Variants in ARHGEF4 observed in about 807,000 individuals in gnomAD.
ARHGEF4 encodes the protein Rho guanine nucleotide exchange factor 4.
Under a neutral mutation model 162.0 loss-of-function variants are expected in ARHGEF4, and 119 were observed. That is an observed-to-expected ratio of 0.73 (90% CI 0.63 to 0.86). The LOEUF is 0.86. ARHGEF4 is among the 40% of genes least tolerant of loss of function. The pLI is 0.00. For missense variants in ARHGEF4, 2,488 were observed against 2,456.0 expected, an observed-to-expected ratio of 1.01 and a Z score of -0.28; for synonymous variants, 1,014 against 979.9, an observed-to-expected ratio of 1.03 and a Z score of -0.65.
chr2:131,039,981 A>G (rs1690645527), intron 6 of ARHGEF4, 35 bp from the exon 7 acceptor site: 1 of 1,545,548 alleles, frequency 6.5e-7, no homozygotes, highest in African/African-American at 1.4e-5. Context: ...GCTCCGAGGG[A>G]TGCGGGGCAC....
Position 130,916,478 on chromosome 2 carries a change from C to T in ARHGEF4, c.2532C>T (p.Asp844=), listed in dbSNP as rs1052050221. The change falls in exon 2 of 14, where the codon GAC becomes GAT. Residue 844 remains aspartate (D), a synonymous_variant. Coordinates refer to ENST00000409359, the MANE Select transcript of ARHGEF4 (RefSeq NM_001367493.1). ...ATCCGCCCGCTGCGGCCGGTCGGGACGCACCGCCTCTGCACCACGGGGACG... is the reference window on the plus strand; with the variant it reads ...ATCCGCCCGCTGCGGCCGGTCGGGATGCACCGCCTCTGCACCACGGGGACG... The part of the protein sequence containing the change: ...RENPPAAAGR[D]APPLHHGDAS... 3 of 1,545,506 alleles carry T rather than the reference C, an allele frequency of 1.9e-6. No homozygotes were observed. The African/African-American group carries it at 4.1e-5, about 21-fold the overall frequency.
rs765560805 is a variant in ARHGEF4, at chr2:131,046,022, GTC to G, written c.5480-11_5480-10del. 22 of 1,605,396 alleles carry G rather than the reference GTC, an allele frequency of 1.4e-5. No homozygotes were observed. The highest frequency in any genetic ancestry group is 1.7e-4 in the Middle Eastern group (1 of 5,844). The stretch of plus-strand genomic sequence containing the variant: ...CCCTGGGCACCCATGACCCTCTGCT[GTC>G]TCTCCCTGTTCAGCTGTTGGCCGGC... On this transcript the variant is annotated splice_polypyrimidine_tract_variant and intron_variant, in intron 13 of 13. Coordinates refer to ENST00000409359, the MANE Select transcript of ARHGEF4 (RefSeq NM_001367493.1).
At chr2:130,996,996 C>A (rs895249792) in intron 4 of ARHGEF4, among the ~76,000 whole-genome samples, 1 of 152,138 alleles carries the variant, frequency 6.6e-6, no homozygotes, top group Non-Finnish European at 1.5e-5. Flanking sequence ...CAAATATATT[C>A]TCACAGTCTG....
chr2:131,020,947 G>A (rs1689085628), intron 4 of ARHGEF4, among the ~76,000 whole-genome samples: 1 of 152,174 alleles, frequency 6.6e-6, no homozygotes, highest in Non-Finnish European at 1.5e-5. Flanking sequence ...CAGTGATGAT[G>A]AGCATTTTTT....
At chr2:130,953,266 A>G (rs1391901508) in intron 4 of ARHGEF4, among the ~76,000 whole-genome samples, 2 of 152,154 alleles carry the variant, frequency 1.3e-5, no homozygotes, top group Non-Finnish European at 2.9e-5. Flanking sequence ...ATCTACAACC[A>G]TCTGATCTTT....
chr2:130,955,800 A>T (rs1351499543), intron 4 of ARHGEF4, among the ~76,000 whole-genome samples: 1 of 152,136 alleles, frequency 6.6e-6, no homozygotes, highest in Non-Finnish European at 1.5e-5. Context: ...CTGTTCTCTC[A>T]TGCAAACTAG....
intron 4 of ARHGEF4, among the ~76,000 whole-genome samples, chr2:130,956,702 C>T (rs1004446523): frequency 6.6e-6 from 1 of 151,910 alleles, no homozygotes; most frequent in African/African-American, 2.4e-5. Context: ...TCATCATTCT[C>T]AGTAAACTAT....
chr2:130,989,487 C>T (rs1166754011), intron 4 of ARHGEF4, among the ~76,000 whole-genome samples: 1 of 152,006 alleles, frequency 6.6e-6, no homozygotes, highest in Non-Finnish European at 1.5e-5. Context: ...ACATACCTTA[C>T]AAAACAATAG....
chr2:130,941,934 G>A (rs955097714), intron 3 of ARHGEF4, among the ~76,000 whole-genome samples: 1 of 152,142 alleles, frequency 6.6e-6, no homozygotes, highest in Non-Finnish European at 1.5e-5. Context: ...AAAATGTAAT[G>A]TGGCCTGCAT....
chr2:131,002,560 A>C (rs1303998782), intron 4 of ARHGEF4, among the ~76,000 whole-genome samples: 1 of 152,084 alleles, frequency 6.6e-6, no homozygotes, highest in Non-Finnish European at 1.5e-5. Context: ...AATACAAAAA[A>C]TTAGCTGGGC....
intron 4 of ARHGEF4, among the ~76,000 whole-genome samples, chr2:130,991,472 C>A (rs1387364028): frequency 6.6e-6 from 1 of 152,210 alleles, no homozygotes; most frequent in African/African-American, 2.4e-5. Context: ...GGAACCAGGG[C>A]TGTGTGCGGC....
chr2:130,970,160 G>A (rs1302443651), intron 4 of ARHGEF4, among the ~76,000 whole-genome samples: 2 of 152,174 alleles, frequency 1.3e-5, no homozygotes, highest in Non-Finnish European at 2.9e-5. Context: ...ATACCTAGGA[G>A]TGCATTGCTG....
In ARHGEF4 at chr2:130,869,959, G is replaced by A. The variant is rs577192050; in HGVS notation, c.39+32967G>A. ...CTCCGTGGAACCCGGTGTGGCCAGC[G>A]GGACCCGCTGAGCTCTCAGGCTGGC... On this transcript the variant is annotated intron_variant, in intron 1 of 13. Transcript: ENST00000409359. 1.2e-4 allele frequency among the ~76,000 whole-genome samples: 18 copies of A among 152,350 alleles called. No individual in the cohort carries two copies. In the East Asian group the frequency reaches 2.7e-3, roughly 23 times the overall value.
intron 3 of ARHGEF4, among the ~76,000 whole-genome samples, chr2:130,945,204 C>G (rs1015103733): frequency 3.9e-5 from 6 of 152,038 alleles, no homozygotes; most frequent in African/African-American, 7.2e-5. Context: ...TGGCATTCTC[C>G]CAGGCACTTC....
At chr2:130,866,075 A>G (rs111757534) in intron 1 of ARHGEF4, among the ~76,000 whole-genome samples, 1,749 of 152,274 alleles carry the variant, frequency 0.011, 34 homozygotes, top group African/African-American at 0.038. Context: ...AGGGTCGAAT[A>G]AAAACATTGA....
rs943886751 is a variant in ARHGEF4, at chr2:131,047,138, C to G, written c.*949C>G. On this transcript the variant is annotated 3_prime_UTR_variant, in exon 14 of 14. Transcript: ENST00000409359. ...GGGGCGCCAGGAGCAGAGCCAGGGC[C>G]TGGCGAGCTGGCGTGGAGCCCACAG... 6.6e-6 allele frequency: 1 copy of G among 152,396 alleles called. No individual in the cohort carries two copies. Among genetic ancestry groups the G allele is most frequent in the African/African-American group, 2.4e-5 (1 of 41,482 alleles). 9.4% of individuals were successfully genotyped at this position (152,396 alleles called of 1,614,324 possible).
chr2:130,869,749 C>G (rs1391972031), intron 1 of ARHGEF4, among the ~76,000 whole-genome samples: 2 of 152,218 alleles, frequency 1.3e-5, no homozygotes, highest in African/African-American at 4.8e-5. Flanking sequence ...CGCATTCAGA[C>G]CAAGTCGTCC....
intron 4 of ARHGEF4, among the ~76,000 whole-genome samples, chr2:131,017,678 G>A (rs1001024771): frequency 2.0e-5 from 3 of 152,212 alleles, no homozygotes; most frequent in Non-Finnish European, 1.5e-5. Context: ...CAGAGAGGGA[G>A]AGCAAGGGAA....
intron 1 of ARHGEF4, among the ~76,000 whole-genome samples, chr2:130,894,445 T>C (rs1177701731): frequency 6.6e-6 from 1 of 152,016 alleles, no homozygotes; most frequent in Non-Finnish European, 1.5e-5. Context: ...AGTAGTCGCT[T>C]TGGGCCCTTT....
Sources: gnomAD v4.1 joint callset for allele counts (sites outside exome capture counted in the v4.1 genomes callset) on GRCh38, gnomAD v4.1.1 for gene constraint, MANE v1.5 for transcripts, NCBI Gene and HGNC (gene_info 2026-07-23, HGNC 2026-07-21) for gene names.